SIX2: variants seen among roughly 807,000 people sequenced by gnomAD.
SIX2 encodes the protein SIX homeobox 2, also known as homeobox protein SIX2.
A neutral mutation model predicts 22.8 loss-of-function variants in SIX2; 20 were observed. The ratio of observed to expected loss-of-function variants is 0.88; its 90% CI spans 0.62 to 1.28. The LOEUF (loss-of-function observed/expected upper bound fraction) is 1.28. SIX2 is among the 50% of genes most tolerant of loss of function. The pLI, the probability that SIX2 is intolerant of heterozygous loss-of-function variation, is 0.00. For synonymous variants in SIX2, 195 were observed against 186.4 expected (o/e 1.05, Z -0.37); for missense variants, 360 against 400.0 (o/e 0.90, Z 0.85).
chr2:45,006,410 C>G lies in SIX2; in HGVS notation c.636G>C (p.Ser212=), dbSNP rs371909390. 2.5e-6 allele frequency: 4 copies of G among 1,614,196 alleles called. No individual in the cohort carries two copies. The South Asian group carries it at 3.3e-5, about 13-fold the overall frequency. The change falls in exon 2 of 2, where the codon TCG becomes TCC. Residue 212 remains serine, a synonymous_variant. Transcript: ENST00000303077. This position sits in a 1 kb window ranked among gnomAD's most constrained non-coding sequence, Gnocchi z 4.2. The stretch of plus-strand genomic sequence containing the variant: ...TCCCCGATGGAGTCTTCTCATCCTC[C>G]GAGCTGCCTAACACCGACTTGCCGC... The part of the protein sequence containing the change: ...NGSGKSVLGS[S]EDEKTPSGTP...
At position 45,008,728 on chromosome 2, in the gene SIX2, C is replaced by T; in HGVS notation, c.383G>A (p.Ser128Asn). 1 of 1,614,052 alleles carries T rather than the reference C, an allele frequency of 6.2e-7. No homozygotes were observed. Among genetic ancestry groups the T allele is most frequent in the Non-Finnish European group, 8.5e-7 (1 of 1,179,966 alleles). ...PRSIWDGEETSYCFKEKSRSV... is the reference protein window; with the variant it reads ...PRSIWDGEETNYCFKEKSRSV... ...GCGACTCTTTTCCTTGAAGCAGTAG[C>T]TGGTCTCCTCGCCGTCCCAGATGGA... Residue 128 changes from serine (S) to asparagine (N), a missense_variant, in exon 1 of 2, where the codon AGC becomes AAC. Physicochemically the swap from Ser to Asn is conservative, Grantham distance 46 (BLOSUM62 1). This residue lies in a region of SIX2 where 235 missense variants were observed against 231.9 expected (regional missense o/e 1.01). Transcript: ENST00000303077.
Position 45,006,609 on chromosome 2 carries a change from G to A in SIX2, c.561-124C>T. On this transcript the variant is annotated intron_variant, in intron 1 of 1. Coordinates refer to ENST00000303077, the MANE Select transcript of SIX2 (RefSeq NM_016932.5). This position sits in a 1 kb window ranked among gnomAD's most constrained non-coding sequence, Gnocchi z 4.2. ...CAGATCCCGGGCTTGTGGCCTGCGG[G>A]TGTTTTCGGTTTCTACCATTTCCTC... 1 of 940,528 alleles carries A rather than the reference G, an allele frequency of 1.1e-6. No homozygotes were observed. Among genetic ancestry groups the A allele is most frequent in the Non-Finnish European group, 1.7e-6 (1 of 587,856 alleles). The allele number at this position is 940,528 out of a possible 1,614,324, so 58.3% of individuals were successfully genotyped here. A position where few individuals can be genotyped will look rare whatever the true frequency, so the allele number is the denominator to read the frequency against.
chr2:45,008,015 C>T (rs1203864752), intron 1 of SIX2, among the ~76,000 whole-genome samples: 1 of 152,186 alleles, frequency 6.6e-6, no homozygotes, highest in Non-Finnish European at 1.5e-5. Context: ...AGATAAAGGA[C>T]CCGCTCTCAA....
At chr2:45,008,434 G>A in intron 1 of SIX2, 117 bp downstream of exon 1, 1 of 1,091,468 alleles carries the variant, frequency 9.2e-7, no homozygotes, top group African/African-American at 1.5e-5. Context: ...CTGCCGCTGG[G>A]CTGTGGCCGG....
rs1667827140 is a variant in SIX2, at chr2:45,009,165, C to T, written c.-55G>A. On this transcript the variant is annotated 5_prime_UTR_variant, in exon 1 of 2. Coordinates refer to ENST00000303077, the MANE Select transcript of SIX2 (RefSeq NM_016932.5). ...CGCGCCCTCACCGGGCCGCGCGGTCCCGCATGGGAGCTTCCTCGCCGGGCC... is the reference window on the plus strand; with the variant it reads ...CGCGCCCTCACCGGGCCGCGCGGTCTCGCATGGGAGCTTCCTCGCCGGGCC... 1.4e-6 allele frequency: 2 copies of T among 1,424,750 alleles called. No homozygotes were observed. The highest frequency in any genetic ancestry group is 3.0e-5 in the South Asian group (2 of 67,666). The allele number at this position is 1,424,750 out of a possible 1,614,324, so 88.3% of individuals were successfully genotyped here.
rs1375503887 is a variant in SIX2 at position 45,008,597 on chromosome 2, A to G, written c.514T>C (p.Phe172Leu). 6.2e-7 allele frequency: 1 copy of G among 1,613,898 alleles called. No individual in the cohort carries two copies. Among genetic ancestry groups the G allele is most frequent in the Non-Finnish European group, 8.5e-7 (1 of 1,179,924 alleles). Residue 172 changes from phenylalanine to leucine, a missense_variant, in exon 1 of 2, where the codon TTC (phenylalanine) becomes CTC (leucine). Around this residue, in one of 3 missense-constraint regions of SIX2, gnomAD observed 235 missense variants for 231.9 expected, o/e 1.01. Coordinates refer to ENST00000303077, the MANE Select transcript of SIX2 (RefSeq NM_016932.5). The part of the protein sequence containing the change: ...GLTTTQVSNW[F>L]KNRRQRDRAA... Reference sequence around the variant, plus strand: ...CGGTCGCGCTGCCGCCGGTTCTTGAACCAGTTGCTGACCTGTGTGGTGGTG... The same window carrying G: ...CGGTCGCGCTGCCGCCGGTTCTTGAGCCAGTTGCTGACCTGTGTGGTGGTG...
In SIX2 at chr2:45,006,974, A is replaced by C. The variant is rs2959230; in HGVS notation, c.561-489T>G. 0.62 allele frequency among the ~76,000 whole-genome samples: 94,312 copies of C among 152,006 alleles called. 30,267 individuals carry two copies. The highest frequency in any genetic ancestry group is 0.84 in the East Asian group (4,302 of 5,146). ...CAAGGGATTTAGGGCCTCTCACAAG[A>C]CTTCATTTCCCTTTGCTTTTTCTGC... On this transcript the variant is annotated intron_variant, in intron 1 of 1. Coordinates refer to ENST00000303077, the MANE Select transcript of SIX2 (RefSeq NM_016932.5). This position sits in a 1 kb window ranked among gnomAD's most constrained non-coding sequence, Gnocchi z 4.2.
rs1353780152 is a variant in SIX2, at chr2:45,006,432, C to A, written c.614G>T (p.Gly205Val). Residue 205 changes from glycine (G) to valine (V), a missense_variant, in exon 2 of 2, where the codon GGC becomes GTC. Physicochemically the swap from Gly to Val is moderately radical, Grantham distance 109. Coordinates refer to ENST00000303077, the MANE Select transcript of SIX2 (RefSeq NM_016932.5). The surrounding 1 kb of genome is among the most constrained non-coding windows in gnomAD (Gnocchi z 4.2). ...CTCCGAGCTGCCTAACACCGACTTG[C>A]CGCTGCCATTCAGCGGGTTGTGGCT... ...SNSHNPLNGS[G>V]KSVLGSSEDE... 1.9e-6 allele frequency: 3 copies of A among 1,614,036 alleles called. No individual in the cohort carries two copies. The highest frequency in any genetic ancestry group is 2.5e-6 in the Non-Finnish European group (3 of 1,180,034).
chr2:45,006,446 C>G lies in SIX2; in HGVS notation c.600G>C (p.Pro200=). The change falls in exon 2 of 2, where the codon CCG becomes CCC. Residue 200 remains proline, a synonymous_variant. Coordinates refer to ENST00000303077, the MANE Select transcript of SIX2 (RefSeq NM_016932.5). The surrounding 1 kb of genome is among the most constrained non-coding windows in gnomAD (Gnocchi z 4.2). ...ACACCGACTTGCCGCTGCCATTCAG[C>G]GGGTTGTGGCTGTTAGAATTGGAGT... ...NENSNSNSHN[P]LNGSGKSVLG... is the part of the protein sequence containing the mutation. The G allele has an allele frequency of 6.2e-7, 1 of 1,614,032 alleles. No individual in the cohort carries two copies. Among genetic ancestry groups the G allele is most frequent in the Non-Finnish European group, 8.5e-7 (1 of 1,180,020 alleles).
At chr2:45,008,136 G>T (rs766903667) in intron 1 of SIX2, among the ~76,000 whole-genome samples, 7 of 152,146 alleles carry the variant, frequency 4.6e-5, no homozygotes, top group East Asian at 1.9e-4. Flanking sequence ...AGCTAAGGCT[G>T]GGGGGAAATG....
intron 1 of SIX2, among the ~76,000 whole-genome samples, chr2:45,007,973 T>G (rs1667795681): frequency 6.6e-6 from 1 of 152,064 alleles, no homozygotes. Flanking sequence ...AACTGACACT[T>G]CCTCCCTTTC....
At position 45,005,873 on chromosome 2, in the gene SIX2, G is replaced by T; in HGVS notation, c.*297C>A. 1.9e-6 allele frequency: 1 copy of T among 529,212 alleles called. No individual in the cohort carries two copies. The highest frequency in any genetic ancestry group is 3.3e-5 in the East Asian group (1 of 30,106). The allele number at this position is 529,212 out of a possible 1,614,324, so 32.8% of individuals were successfully genotyped here. A position where few individuals can be genotyped will look rare whatever the true frequency, so the allele number is the denominator to read the frequency against. On this transcript the variant is annotated 3_prime_UTR_variant, in exon 2 of 2. Transcript: ENST00000303077. ...AGGGGGAAAAGGCAAGACAAGAGAG[G>T]GTAAAAGGAAGAGACAGAGGGAGAG...
Position 45,005,402 on chromosome 2 carries a change from C to G in SIX2, c.*768G>C, listed in dbSNP as rs1235981177. The stretch of plus-strand genomic sequence containing the variant: ...AGAGAGAAGGAGGAGGGGCGTATGA[C>G]GAGGCGGCGTTTAGGGGCTTCTGTG... On this transcript the variant is annotated 3_prime_UTR_variant, in exon 2 of 2. Coordinates refer to ENST00000303077, the MANE Select transcript of SIX2 (RefSeq NM_016932.5). 1 of 152,012 alleles carries G rather than the reference C, an allele frequency of 6.6e-6. No individual in the cohort carries two copies. The highest frequency in any genetic ancestry group is 1.5e-5 in the Non-Finnish European group (1 of 68,046). 9.4% of individuals were successfully genotyped at this position (152,012 alleles called of 1,614,324 possible).
Position 45,005,912 on chromosome 2 carries a change from G to A in SIX2, c.*258C>T. Reference sequence around the variant, plus strand: ...ACAGAGGGAGAGAGAGAATGACAGTGGTGTATAATTTATTCCCTTCTGTGG... The same window carrying A: ...ACAGAGGGAGAGAGAGAATGACAGTAGTGTATAATTTATTCCCTTCTGTGG... On this transcript the variant is annotated 3_prime_UTR_variant, in exon 2 of 2. Coordinates refer to ENST00000303077, the MANE Select transcript of SIX2 (RefSeq NM_016932.5). The A allele has an allele frequency of 1.7e-6, 1 of 595,286 alleles. No individual in the cohort carries two copies. The highest frequency in any genetic ancestry group is 3.0e-6 in the Non-Finnish European group (1 of 330,958). 36.9% of individuals were successfully genotyped at this position (595,286 alleles called of 1,614,324 possible).
rs755475328 is a variant in SIX2, at chr2:45,006,417, C to G, written c.629G>C (p.Gly210Ala). The G allele has an allele frequency of 2.5e-6, 4 of 1,614,174 alleles. No homozygotes were observed. Among genetic ancestry groups the G allele is most frequent in the Non-Finnish European group, 3.4e-6 (4 of 1,180,036 alleles). The change falls in exon 2 of 2, where the codon GGC (glycine) becomes GCC (alanine). Residue 210 changes from glycine (G) to alanine (A), a missense_variant. By Grantham distance (60) the Gly-to-Ala change is moderately conservative. Around this residue, in one of 3 missense-constraint regions of SIX2, gnomAD observed 235 missense variants for 231.9 expected, o/e 1.01. Coordinates refer to ENST00000303077, the MANE Select transcript of SIX2 (RefSeq NM_016932.5). The surrounding 1 kb of genome is among the most constrained non-coding windows in gnomAD (Gnocchi z 4.2). ...PLNGSGKSVL[G>A]SSEDEKTPSG... is the part of the protein sequence containing the mutation. Reference sequence around the variant, plus strand: ...TGGAGTCTTCTCATCCTCCGAGCTGCCTAACACCGACTTGCCGCTGCCATT... The same window carrying G: ...TGGAGTCTTCTCATCCTCCGAGCTGGCTAACACCGACTTGCCGCTGCCATT...
At position 45,005,759 on chromosome 2, in the gene SIX2, C is replaced by T. The variant is rs1171739611; in HGVS notation, c.*411G>A. ...GAAGGAGAGAATGAACGGTGGCAAGCTAGAAATCTAGAAGGAAAGCAATAC... is the reference window on the plus strand; with the variant it reads ...GAAGGAGAGAATGAACGGTGGCAAGTTAGAAATCTAGAAGGAAAGCAATAC... On this transcript the variant is annotated 3_prime_UTR_variant, in exon 2 of 2. Transcript: ENST00000303077. The T allele has an allele frequency of 3.2e-6, 1 of 317,178 alleles. No homozygotes were observed. The highest frequency in any genetic ancestry group is 6.1e-6 in the Non-Finnish European group (1 of 164,956). 19.6% of individuals were successfully genotyped at this position (317,178 alleles called of 1,614,324 possible). A position where few individuals can be genotyped will look rare whatever the true frequency, so the allele number is the denominator to read the frequency against.
intron 1 of SIX2, among the ~76,000 whole-genome samples, chr2:45,007,944 T>G (rs376512122): frequency 6.6e-6 from 1 of 152,192 alleles, no homozygotes; most frequent in South Asian, 2.1e-4. Flanking sequence ...AAACAGGGCA[T>G]GCGTCTCTTC....
intron 1 of SIX2, among the ~76,000 whole-genome samples, chr2:45,007,680 G>A (rs1002594544): frequency 6.6e-6 from 1 of 152,136 alleles, no homozygotes; most frequent in African/African-American, 2.4e-5. Context: ...GCTGGATTCT[G>A]TTCCCATAAT....
rs1572648006 is a variant in SIX2, at chr2:45,006,028, C to T, written c.*142G>A. The T allele has an allele frequency of 4.7e-6, 4 of 847,514 alleles. No individual in the cohort carries two copies. The East Asian group carries it at 9.8e-5, about 21-fold the overall frequency. 52.5% of individuals were successfully genotyped at this position (847,514 alleles called of 1,614,324 possible). ...AAGAACCAACATAGACAGCTATCTG[C>T]CCTACCCGGCTGTTCTACCCGCTCA... On this transcript the variant is annotated 3_prime_UTR_variant, in exon 2 of 2. Transcript: ENST00000303077. This position sits in a 1 kb window ranked among gnomAD's most constrained non-coding sequence, Gnocchi z 4.2.
Sources: gnomAD v4.1 joint callset for allele counts (sites outside exome capture counted in the v4.1 genomes callset) on GRCh38, gnomAD v4.1.1 for gene constraint, gnomAD v4.1.1 regional missense constraint, Gnocchi (gnomAD v3.1) non-coding constraint, MANE v1.5 for transcripts, NCBI Gene and HGNC (gene_info 2026-07-23, HGNC 2026-07-21) for gene names.